SLC22A23: variants seen among roughly 807,000 people sequenced by gnomAD.
SLC22A23 encodes solute carrier family 22 member 23.
In SLC22A23, 26 loss-of-function variants were observed where a neutral mutation model predicts 61.0. The ratio of observed to expected loss-of-function variants is 0.43; its 90% confidence interval spans 0.31 to 0.59. SLC22A23 has a LOEUF of 0.59. SLC22A23 is among the 20% of genes least tolerant of loss of function. The pLI, the probability that SLC22A23 is intolerant of heterozygous loss-of-function variation, is 0.11. For synonymous variants in SLC22A23, 430 were observed against 413.9 expected (o/e 1.04, Z -0.47); for missense variants, 796 against 934.7 (o/e 0.85, Z 1.94).
chr6:3,298,458 C>T (rs532913186), intron 4 of SLC22A23, among the ~76,000 whole-genome samples: 7 of 150,982 alleles, frequency 4.6e-5, no homozygotes, highest in African/African-American at 7.3e-5. Flanking sequence ...TTCTCACCCA[C>T]GTATGGAAGC....
rs187314090 is a variant in SLC22A23, at chr6:3,338,371, C to T, written c.914-14369G>A. 2.5e-4 allele frequency among the ~76,000 whole-genome samples: 38 copies of T among 152,354 alleles called. No homozygotes were observed. The East Asian group carries it at 3.3e-3, about 13-fold the overall frequency. On this transcript the variant is annotated intron_variant, in intron 3 of 9. Transcript: ENST00000406686. ...TTGAGACGGAGTCTCACTCTGTTGCCCAGGCTGGAGTGCAGTGGTATGATC... is the reference window on the plus strand; with the variant it reads ...TTGAGACGGAGTCTCACTCTGTTGCTCAGGCTGGAGTGCAGTGGTATGATC...
chr6:3,341,614 C>T (rs2127422727), intron 3 of SLC22A23, among the ~76,000 whole-genome samples: 1 of 152,274 alleles, frequency 6.6e-6, no homozygotes, highest in South Asian at 2.1e-4. Flanking sequence ...CTGTGATTAC[C>T]AAACCATCTC....
rs1001754608 is a variant in SLC22A23 at position 3,269,489 on chromosome 6, A to G, written c.*3566T>C. On this transcript the variant is annotated 3_prime_UTR_variant, in exon 10 of 10. Coordinates refer to ENST00000406686, the MANE Select transcript of SLC22A23 (RefSeq NM_015482.2). ...AATGGGGCAACGTTTTTATTTCTGT[A>G]CATTTACATACAAATTTTCCCCAAA... is the stretch of plus-strand genomic sequence containing the variant. 1 of 152,788 alleles carries G rather than the reference A, an allele frequency of 6.5e-6. No homozygotes were observed. Among genetic ancestry groups the G allele is most frequent in the African/African-American group, 2.4e-5 (1 of 41,472 alleles). 9.5% of individuals were successfully genotyped at this position (152,788 alleles called of 1,614,324 possible).
chr6:3,315,365 C>T (rs1762577780), intron 4 of SLC22A23, among the ~76,000 whole-genome samples: 1 of 152,182 alleles, frequency 6.6e-6, no homozygotes, highest in Admixed American at 6.5e-5. Flanking sequence ...GTCCCCACAG[C>T]ACAGAGGAAA....
chr6:3,387,217 G>A lies in SLC22A23; in HGVS notation c.913+22971C>T, dbSNP rs956957972. 1.3e-5 allele frequency among the ~76,000 whole-genome samples: 2 copies of A among 152,202 alleles called. No individual in the cohort carries two copies. Among genetic ancestry groups the A allele is most frequent in the African/African-American group, 2.4e-5 (1 of 41,438 alleles). On this transcript the variant is annotated intron_variant, in intron 3 of 9. Coordinates refer to ENST00000406686, the MANE Select transcript of SLC22A23 (RefSeq NM_015482.2). The surrounding 1 kb of genome is among the most constrained non-coding windows in gnomAD (Gnocchi z 5.0). ...CTAGTAACTGCAGAGGAGAAGCCTG[G>A]CAGACCCCATCTCAACTGAGGAAGG...
intron 3 of SLC22A23, among the ~76,000 whole-genome samples, chr6:3,396,115 C>T (rs1350278658): frequency 6.6e-6 from 1 of 152,208 alleles, no homozygotes; most frequent in African/African-American, 2.4e-5. Context: ...CTGTTTGCTC[C>T]ATCTCTTAGT....
Position 3,421,761 on chromosome 6 carries a change from G to A in SLC22A23, c.655-5906C>T, listed in dbSNP as rs546852611. ...GTGGTAGCGATGGTGGGGAGGCAAA[G>A]ACAAAATCATTAAAAAACAAACCAA... On this transcript the variant is annotated intron_variant, in intron 1 of 9. Transcript: ENST00000406686. Among the ~76,000 whole-genome samples the A allele has an allele frequency of 8.5e-5, 13 of 152,104 alleles. 1 individual carries two copies. In the South Asian group the frequency reaches 2.7e-3, roughly 32 times the overall value.
rs1184355254 is a variant in SLC22A23, at chr6:3,410,826, C to T, written c.759-484G>A. ...TAAGTCAGATACCTGATCCTACACA[C>T]AGCCTATCCGAGCCAGGGCCAAGCC... On this transcript the variant is annotated intron_variant, in intron 2 of 9. Coordinates refer to ENST00000406686, the MANE Select transcript of SLC22A23 (RefSeq NM_015482.2). This position sits in a 1 kb window ranked among gnomAD's most constrained non-coding sequence, Gnocchi z 5.0. Among the ~76,000 whole-genome samples, 5 of 152,156 alleles carry T rather than the reference C, an allele frequency of 3.3e-5. No homozygotes were observed. Among genetic ancestry groups the T allele is most frequent in the Non-Finnish European group, 2.9e-5 (2 of 68,042 alleles).
At chr6:3,284,796 CGGGCCA>C in intron 8 of SLC22A23, 2 of 1,064,228 alleles carry the variant, frequency 1.9e-6, no homozygotes, top group Non-Finnish European at 2.7e-6. Context: ...ATGTTGGCGC[CGGGCCA>C]GGGCCTGTGC....
In SLC22A23 at chr6:3,324,082, C is replaced by T. The variant is rs1763133958; in HGVS notation, c.914-80G>A. ...AGTCCTGGGTGCACCTGGGCCAGTG[C>T]ACTGCTTAACCCACCAACGACTGAA... On this transcript the variant is annotated intron_variant, in intron 3 of 9. Transcript: ENST00000406686. The surrounding 1 kb of genome is among the most constrained non-coding windows in gnomAD (Gnocchi z 4.3). 6.6e-7 allele frequency: 1 copy of T among 1,522,086 alleles called. No individual in the cohort carries two copies. The allele number at this position is 1,522,086 out of a possible 1,614,324, so 94.3% of individuals were successfully genotyped here. A position where few individuals can be genotyped will look rare whatever the true frequency, so the allele number is the denominator to read the frequency against.
intron 4 of SLC22A23, among the ~76,000 whole-genome samples, chr6:3,314,286 CCGG>C: frequency 6.6e-6 from 1 of 152,344 alleles, no homozygotes; most frequent in South Asian, 2.1e-4. Context: ...CTCCGCTTGC[CCGG>C]CATTCCAGGT....
intron 3 of SLC22A23, among the ~76,000 whole-genome samples, chr6:3,396,064 A>T (rs2127492883): frequency 6.6e-6 from 1 of 152,346 alleles, no homozygotes; most frequent in Middle Eastern, 3.4e-3. Context: ...AGCAGTATAA[A>T]CAGGGCACTA....
chr6:3,315,830 C>T (rs2127388224), intron 4 of SLC22A23, among the ~76,000 whole-genome samples: 1 of 151,968 alleles, frequency 6.6e-6, no homozygotes, highest in African/African-American at 2.4e-5. Context: ...CGCCACTGCA[C>T]TCCAGCCTGG....
At position 3,456,168 on chromosome 6, in the gene SLC22A23, G is replaced by T; in HGVS notation, c.392C>A (p.Ala131Asp). ...CCCTGCCAGCTCGGTGCCTTTGCCGGCCCCGCGGCACCAGAAGTTGGGCTG... is the reference window on the plus strand; with the variant it reads ...CCCTGCCAGCTCGGTGCCTTTGCCGTCCCCGCGGCACCAGAAGTTGGGCTG... Reference protein sequence around the residue: ...LDQPNFWCRGAGKGTELAGVT... With the variant: ...LDQPNFWCRGDGKGTELAGVT... The change falls in exon 1 of 10, where the codon GCC (alanine) becomes GAC (aspartate). Residue 131 changes from alanine to aspartate, a missense_variant. Transcript: ENST00000406686. This position sits in a 1 kb window ranked among gnomAD's most constrained non-coding sequence, Gnocchi z 7.1. 1.9e-6 allele frequency: 3 copies of T among 1,551,238 alleles called. No homozygotes were observed. The highest frequency in any genetic ancestry group is 2.6e-6 in the Non-Finnish European group (3 of 1,146,856).
chr6:3,397,833 G>A (rs1018813901), intron 3 of SLC22A23, among the ~76,000 whole-genome samples: 6 of 152,102 alleles, frequency 3.9e-5, no homozygotes, highest in East Asian at 1.9e-4. Context: ...CTTACACTCC[G>A]GGGCTGTATA....
At chr6:3,287,701 T>C (rs912834673) in intron 6 of SLC22A23, among the ~76,000 whole-genome samples, 1 of 151,824 alleles carries the variant, frequency 6.6e-6, no homozygotes, top group African/African-American at 2.4e-5. Flanking sequence ...TGTTTTGTTT[T>C]TGAGTAGAGC....
At chr6:3,411,487 C>T (rs1433866232) in intron 2 of SLC22A23, among the ~76,000 whole-genome samples, 1 of 152,134 alleles carries the variant, frequency 6.6e-6, no homozygotes, top group Non-Finnish European at 1.5e-5. Context: ...GTGATGTTTC[C>T]ATCATCCTTT....
chr6:3,307,825 A>G (rs1762091459), intron 4 of SLC22A23, among the ~76,000 whole-genome samples: 1 of 152,246 alleles, frequency 6.6e-6, no homozygotes, highest in South Asian at 2.1e-4. Context: ...AAAAACTAAA[A>G]TATTACAGAT....
chr6:3,274,493 A>G (rs1758716995), intron 9 of SLC22A23, among the ~76,000 whole-genome samples: 2 of 152,148 alleles, frequency 1.3e-5, no homozygotes, highest in African/African-American at 2.4e-5. Context: ...ACCCCCTTGA[A>G]GTGAAGAGGG....
Sources: gnomAD v4.1 joint callset for allele counts (sites outside exome capture counted in the v4.1 genomes callset) on GRCh38, gnomAD v4.1.1 for gene constraint, Gnocchi (gnomAD v3.1) non-coding constraint, MANE v1.5 for transcripts, NCBI Gene and HGNC (gene_info 2026-07-23, HGNC 2026-07-21) for gene names.